CHIC2: variants seen among roughly 807,000 people sequenced by gnomAD.
CHIC2 encodes cysteine-rich hydrophobic domain-containing protein 2.
Under a neutral mutation model 25.9 loss-of-function variants are expected in CHIC2, and 14 were observed. The ratio of observed to expected loss-of-function variants is 0.54; its 90% CI spans 0.36 to 0.85. The LOEUF (loss-of-function observed/expected upper bound fraction) is 0.85. Ranked by LOEUF, CHIC2 falls within the 40% of genes least tolerant of loss-of-function variation. The pLI is 0.01. For synonymous variants in CHIC2, 70 were observed against 72.0 expected (o/e 0.97, Z 0.14); for missense variants, 146 against 202.0 (o/e 0.72, Z 1.68).
At chr4:54,017,603 C>T (rs1715780673) in intron 3 of CHIC2, among the ~76,000 whole-genome samples, 1 of 152,154 alleles carries the variant, frequency 6.6e-6, no homozygotes, top group Non-Finnish European at 1.5e-5. Context: ...AATTCTCCGT[C>T]TTTCTGCAAA....
chr4:54,063,716 A>G (rs1280385584), intron 1 of CHIC2, among the ~76,000 whole-genome samples: 1 of 152,252 alleles, frequency 6.6e-6, no homozygotes, highest in Non-Finnish European at 1.5e-5. Context: ...ACCTGTGGGT[A>G]TGTGTGAAAT....
intron 1 of CHIC2, among the ~76,000 whole-genome samples, chr4:54,061,373 G>A (rs1397137621): frequency 6.6e-6 from 1 of 152,128 alleles, no homozygotes; most frequent in Non-Finnish European, 1.5e-5. Flanking sequence ...ATAGTCAATT[G>A]TAAAGGGCTA....
intron 1 of CHIC2, among the ~76,000 whole-genome samples, chr4:54,050,615 C>T (rs1716977514): frequency 6.6e-6 from 1 of 152,106 alleles, no homozygotes; most frequent in Admixed American, 6.5e-5. Context: ...GATTTTAATA[C>T]TGTATTTTTA....
At chr4:54,087,253 C>T in the CHIC2 span, 3 of 601,732 alleles carry the variant, frequency 5.0e-6, no homozygotes, top group South Asian at 4.1e-5. Context: ...CTGTTGAAAG[C>T]GAGGACGCAT....
chr4:54,084,959 C>CAAAAAAAAAAAAAAAAAA, the CHIC2 span, among the ~76,000 whole-genome samples: 208 of 58,820 alleles, frequency 3.5e-3, no homozygotes, highest in Non-Finnish European at 4.5e-3. Context: ...TGCTCTGTCT[C>CAAAAAAAAAAAAAAAAAA]AAAAAAAAAA....
chr4:54,037,663 G>T (rs1006762530), intron 3 of CHIC2, among the ~76,000 whole-genome samples: 6 of 152,058 alleles, frequency 3.9e-5, no homozygotes, highest in Non-Finnish European at 7.4e-5. Context: ...TGTATTCAAG[G>T]CTGTAAAATA....
At chr4:54,045,812 G>A (rs2064327537) in intron 3 of CHIC2, among the ~76,000 whole-genome samples, 1 of 151,872 alleles carries the variant, frequency 6.6e-6, no homozygotes. Context: ...CAATCAGGCA[G>A]GAGAAGGAAA....
chr4:54,061,255 T>A (rs1412598691), intron 1 of CHIC2: 2 of 152,176 alleles, frequency 1.3e-5, no homozygotes, highest in African/African-American at 2.4e-5. Flanking sequence ...AAGGTAACTT[T>A]CTTTCTCACA....
chr4:54,078,309 C>T, the CHIC2 span, among the ~76,000 whole-genome samples: 2 of 152,132 alleles, frequency 1.3e-5, no homozygotes. Flanking sequence ...TTGAACAGAG[C>T]AGTCCAGTCA....
upstream of CHIC2, among the ~76,000 whole-genome samples, chr4:54,067,319 TGTG>T (rs1717538133): frequency 2.0e-5 from 3 of 151,890 alleles, no homozygotes; most frequent in Non-Finnish European, 4.4e-5. Context: ...TGTGTGTGTG[TGTG>T]TTTTCTTCTT....
intron 3 of CHIC2, among the ~76,000 whole-genome samples, chr4:54,043,201 C>A (rs1209887177): frequency 6.6e-6 from 1 of 152,104 alleles, no homozygotes; most frequent in Non-Finnish European, 1.5e-5. Context: ...GCGGATGGAT[C>A]ACGAGGTCAG....
chr4:54,020,102 A>C (rs1250231858), intron 3 of CHIC2, among the ~76,000 whole-genome samples: 1 of 152,194 alleles, frequency 6.6e-6, no homozygotes, highest in African/African-American at 2.4e-5. Flanking sequence ...AGCCCAAGCT[A>C]AGCCATCATA....
upstream of CHIC2, chr4:54,065,245 T>A (rs536119051): frequency 5.5e-4 from 486 of 885,140 alleles, 3 homozygotes; most frequent in Admixed American, 1.3e-3. Flanking sequence ...GGTATTTTTT[T>A]TTTTTTCTTA....
At chr4:54,035,986 T>G (rs1716371681) in intron 3 of CHIC2, among the ~76,000 whole-genome samples, 1 of 152,232 alleles carries the variant, frequency 6.6e-6, no homozygotes, top group Non-Finnish European at 1.5e-5. Flanking sequence ...TATTTAGCTT[T>G]CAAATATTTG....
At chr4:54,088,687 C>T in the CHIC2 span, among the ~76,000 whole-genome samples, 920 of 152,260 alleles carry the variant, frequency 6.0e-3, 15 homozygotes, top group African/African-American at 0.019. Flanking sequence ...TATTTCAAAA[C>T]GATCCTTCTG....
At chr4:54,058,511 C>T (rs1383275998) in intron 1 of CHIC2, among the ~76,000 whole-genome samples, 1 of 151,390 alleles carries the variant, frequency 6.6e-6, no homozygotes, top group East Asian at 1.9e-4. Flanking sequence ...CCCTTCCAGA[C>T]CCAATATTCT....
chr4:54,013,965 TTG>T (rs753591420), intron 4 of CHIC2, 69 bp from the exon 5 acceptor site: 73 of 1,594,420 alleles, frequency 4.6e-5, no homozygotes, highest in Non-Finnish European at 6.2e-5. Flanking sequence ...ACTAACCCAT[TTG>T]TCCACCTTTC....
intron 1 of CHIC2, among the ~76,000 whole-genome samples, chr4:54,062,946 T>A (rs952273086): frequency 1.3e-5 from 2 of 152,232 alleles, no homozygotes; most frequent in Non-Finnish European, 1.5e-5. Flanking sequence ...TGTCTTGTCA[T>A]GGTGCTGTGA....
chr4:54,049,666 T>C (rs1162854942), intron 1 of CHIC2, among the ~76,000 whole-genome samples: 1 of 152,166 alleles, frequency 6.6e-6, no homozygotes, highest in Non-Finnish European at 1.5e-5. Context: ...CAGCTTTTAA[T>C]GTTATTGGTG....
Sources: allele counts gnomAD v4.1 joint callset (sites outside exome capture counted in the v4.1 genomes callset), GRCh38; gene constraint gnomAD v4.1.1; transcripts MANE v1.5; gene names NCBI Gene and HGNC (gene_info 2026-07-23, HGNC 2026-07-21).